The following AGMO variants were observed in gnomAD, a reference collection of about 807,000 sequenced individuals.
AGMO encodes the protein glyceryl-ether monooxygenase.
Under a neutral mutation model 60.2 loss-of-function variants are expected in AGMO, and 75 were observed. The ratio of observed to expected loss-of-function variants is 1.25; its 90% confidence interval spans 1.03 to 1.51. The LOEUF is 1.51. Ranked by LOEUF, AGMO falls within the 40% of genes most tolerant of loss-of-function variation. The pLI is 0.00. For missense variants in AGMO, 763 were observed against 525.5 expected (o/e 1.45, Z -4.42); for synonymous variants, 261 against 177.1 (o/e 1.47, Z -3.76).
chr7:15,172,121 C>T, the AGMO span, among the ~76,000 whole-genome samples: 527 of 152,250 alleles, frequency 3.5e-3, 6 homozygotes, highest in African/African-American at 0.012. Context: ...CTCCAGATTA[C>T]ATATGGAAGT....
intron 12 of AGMO, among the ~76,000 whole-genome samples, chr7:15,271,777 C>A (rs924268625): frequency 6.6e-6 from 1 of 152,092 alleles, no homozygotes; most frequent in Admixed American, 6.5e-5. Flanking sequence ...ACATTTTCCC[C>A]ATTCAGTGTG....
At position 15,201,145 on chromosome 7, in the gene AGMO, C is replaced by T; in HGVS notation, c.*140G>A. 1 of 523,972 alleles carries T rather than the reference C, an allele frequency of 1.9e-6. No homozygotes were observed. The allele number at this position is 523,972 out of a possible 1,614,324, so 32.5% of individuals were successfully genotyped here. On this transcript the variant is annotated 3_prime_UTR_variant, in exon 13 of 13. Coordinates refer to ENST00000342526, the MANE Select transcript of AGMO (RefSeq NM_001004320.2). ...GAAAATAACAAATGTGAAAGGCAAACAATAGTAAATAAGTAATTTTACTTT... is the reference window on the plus strand; with the variant it reads ...GAAAATAACAAATGTGAAAGGCAAATAATAGTAAATAAGTAATTTTACTTT...
At chr7:15,418,955 G>A (rs1260937198) in intron 4 of AGMO, among the ~76,000 whole-genome samples, 2 of 151,672 alleles carry the variant, frequency 1.3e-5, no homozygotes, top group African/African-American at 2.4e-5. Context: ...GGAATTAAAG[G>A]GATGTTTTAT....
At chr7:15,388,432 T>C (rs1024044118) in intron 8 of AGMO, among the ~76,000 whole-genome samples, 2 of 152,156 alleles carry the variant, frequency 1.3e-5, no homozygotes, top group African/African-American at 4.8e-5. Flanking sequence ...GCAATAATAA[T>C]AATACAGAAA....
At chr7:15,472,899 A>C (rs889123185) in intron 3 of AGMO, among the ~76,000 whole-genome samples, 2 of 152,028 alleles carry the variant, frequency 1.3e-5, no homozygotes, top group African/African-American at 4.8e-5. Flanking sequence ...GAACAAAAGC[A>C]AGTAGGAAAC....
At chr7:15,266,851 T>C (rs760234291) in intron 12 of AGMO, among the ~76,000 whole-genome samples, 1 of 151,806 alleles carries the variant, frequency 6.6e-6, no homozygotes, top group Non-Finnish European at 1.5e-5. Flanking sequence ...TGACATCACC[T>C]AATATTTACA....
chr7:15,289,639 G>A (rs1784199839), intron 12 of AGMO, among the ~76,000 whole-genome samples: 1 of 151,876 alleles, frequency 6.6e-6, no homozygotes, highest in African/African-American at 2.4e-5. Flanking sequence ...GTTTATCTAT[G>A]GAATATTCAG....
At chr7:15,188,103 C>T in the AGMO span, among the ~76,000 whole-genome samples, 2 of 152,260 alleles carry the variant, frequency 1.3e-5, no homozygotes, top group East Asian at 3.9e-4. Flanking sequence ...ACACTGGCCA[C>T]TTGGGTAGAC....
intron 8 of AGMO, among the ~76,000 whole-genome samples, chr7:15,388,866 A>G (rs556746022): frequency 2.6e-4 from 39 of 152,332 alleles, no homozygotes; most frequent in African/African-American, 9.1e-4. Context: ...GTAAACATGT[A>G]GAAGAGTAAA....
rs571487223 is a variant in AGMO, at chr7:15,265,617, A to T, written c.1264-64258T>A. On this transcript the variant is annotated intron_variant, in intron 12 of 12. Coordinates refer to ENST00000342526, the MANE Select transcript of AGMO (RefSeq NM_001004320.2). ...CCATTAGGCTGGATACAATTAAAAA[A>T]AAAATGTTAATTTCAAAAACAGAAA... Among the ~76,000 whole-genome samples the T allele has an allele frequency of 3.9e-5, 6 of 152,216 alleles. No individual in the cohort carries two copies. In the South Asian group the frequency reaches 1.0e-3, roughly 26 times the overall value.
chr7:15,201,453 A>C, intron 12 of AGMO, 94 bp from the exon 13 acceptor site: 1 of 862,178 alleles, frequency 1.2e-6, no homozygotes, highest in Non-Finnish European at 1.8e-6. Flanking sequence ...AGGAAAATGA[A>C]CATGGACATT....
chr7:15,235,097 T>C (rs1379158485), intron 12 of AGMO, among the ~76,000 whole-genome samples: 2 of 152,226 alleles, frequency 1.3e-5, no homozygotes, highest in Admixed American at 6.5e-5. Flanking sequence ...TGCAAATCTA[T>C]AGAAAAAGAG....
intron 2 of AGMO, among the ~76,000 whole-genome samples, chr7:15,554,698 A>C (rs1785074785): frequency 6.6e-6 from 1 of 152,154 alleles, no homozygotes; most frequent in African/African-American, 2.4e-5. Flanking sequence ...CTAAATTGCT[A>C]TTTAGTATTA....
At chr7:15,145,080 G>T in the AGMO span, among the ~76,000 whole-genome samples, 2 of 152,118 alleles carry the variant, frequency 1.3e-5, no homozygotes, top group Non-Finnish European at 2.9e-5. Context: ...CGCCCGCCTC[G>T]GCCCCGCAAA....
intron 3 of AGMO, among the ~76,000 whole-genome samples, chr7:15,500,667 T>C (rs1783359507): frequency 6.6e-6 from 1 of 151,900 alleles, no homozygotes; most frequent in African/African-American, 2.4e-5. Flanking sequence ...TTTTGTATGG[T>C]TTTCCATGTC....
intron 12 of AGMO, among the ~76,000 whole-genome samples, chr7:15,223,833 CAATT>C (rs139559514): frequency 0.03 from 4,504 of 151,910 alleles, 212 homozygotes; most frequent in African/African-American, 0.1. Flanking sequence ...TTGATCTATA[CAATT>C]AATTAATCCT....
At chr7:15,397,381 C>T (rs573044370) in intron 5 of AGMO, among the ~76,000 whole-genome samples, 1 of 152,074 alleles carries the variant, frequency 6.6e-6, no homozygotes, top group East Asian at 1.9e-4. Context: ...CCGCACCTCT[C>T]TCTCCCTCCA....
chr7:15,317,922 C>A (rs1014875917), intron 12 of AGMO, among the ~76,000 whole-genome samples: 1 of 143,000 alleles, frequency 7.0e-6, no homozygotes, highest in Non-Finnish European at 1.5e-5. Context: ...TATATATACA[C>A]ACACGTATAT....
At position 15,389,364 on chromosome 7, in the gene AGMO, T is replaced by G. The variant is rs554460265; in HGVS notation, c.822+1307A>C. Among the ~76,000 whole-genome samples, 243 of 152,300 alleles carry G rather than the reference T, an allele frequency of 1.6e-3. 1 individual carries two copies. The highest frequency in any genetic ancestry group is 5.3e-3 in the African/African-American group (221 of 41,572). ...CTCCTATATGAAGAAAAGGGAGCTT[T>G]CAGTGTACCATTTCTCAATTGGTTT... On this transcript the variant is annotated intron_variant, in intron 8 of 12. Transcript: ENST00000342526.
Sources: allele counts gnomAD v4.1 joint callset (sites outside exome capture counted in the v4.1 genomes callset), GRCh38; gene constraint gnomAD v4.1.1; transcripts MANE v1.5; gene names NCBI Gene and HGNC (gene_info 2026-07-23, HGNC 2026-07-21).